The following SPECC1 variants were observed in gnomAD, a reference collection of about 807,000 sequenced individuals.
SPECC1 encodes the protein sperm antigen with calponin homology and coiled-coil domains 1.
A neutral mutation model predicts 104.1 loss-of-function variants in SPECC1; 62 were observed. That is an observed-to-expected ratio of 0.60 (90% confidence interval 0.49 to 0.74). SPECC1 has a LOEUF of 0.74. Among genes scored for constraint, SPECC1 ranks in the 30% least tolerant of loss-of-function variants. The pLI is 0.00. For missense variants in SPECC1, 1,306 were observed against 1,310.5 expected (o/e 1.00, Z 0.05); for synonymous variants, 513 against 501.6 (o/e 1.02, Z -0.30).
chr17:20,259,460 A>G (rs1166308229), intron 11 of SPECC1, among the ~76,000 whole-genome samples: 1 of 152,146 alleles, frequency 6.6e-6, no homozygotes, highest in Admixed American at 6.5e-5. Context: ...CAATGGCAAG[A>G]TATTTGGTGT....
intron 1 of SPECC1, among the ~76,000 whole-genome samples, chr17:20,063,617 G>A (rs531071701): frequency 1.2e-4 from 18 of 152,292 alleles, no homozygotes; most frequent in African/African-American, 4.3e-4. Flanking sequence ...GGGAACAAAG[G>A]TTCAAAGATA....
At chr17:20,221,347 C>T (rs1028388580) in intron 4 of SPECC1, among the ~76,000 whole-genome samples, 18 of 151,932 alleles carry the variant, frequency 1.2e-4, no homozygotes, top group African/African-American at 3.1e-4. Context: ...TACTTGTTAC[C>T]GGTCTGTTCA....
In SPECC1 at chr17:20,257,684, C is replaced by T. The variant is rs1031916684; in HGVS notation, c.2837+77C>T. Reference sequence around the variant, plus strand: ...TTTATTCTTCCTTCCGTTTTGTCCCCGTGGCCAATTTACTTCTACAAATAT... The same window carrying T: ...TTTATTCTTCCTTCCGTTTTGTCCCTGTGGCCAATTTACTTCTACAAATAT... On this transcript the variant is annotated intron_variant, in intron 11 of 14. Transcript: ENST00000395527. 7.2e-5 allele frequency: 112 copies of T among 1,546,384 alleles called. 1 individual carries two copies. The highest frequency in any genetic ancestry group is 5.5e-4 in the African/African-American group (40 of 72,340).
intron 3 of SPECC1, among the ~76,000 whole-genome samples, chr17:20,137,192 A>G (rs145179146): frequency 2.0e-5 from 3 of 152,306 alleles, no homozygotes; most frequent in Non-Finnish European, 4.4e-5. Flanking sequence ...TTTCCTGAGC[A>G]CATCAAGAAC....
intron 3 of SPECC1, among the ~76,000 whole-genome samples, chr17:20,199,612 C>T (rs9896190): frequency 0.26 from 38,708 of 151,340 alleles, 6,318 homozygotes; most frequent in African/African-American, 0.47. Flanking sequence ...ACTCTGTTGC[C>T]CAGGCTGTTC....
At chr17:20,184,313 C>A (rs1222573526) in intron 3 of SPECC1, among the ~76,000 whole-genome samples, 1 of 151,550 alleles carries the variant, frequency 6.6e-6, no homozygotes, top group Non-Finnish European at 1.5e-5. Flanking sequence ...AGAGTGTTTA[C>A]ACCTTTATGT....
chr17:20,277,497 G>A (rs942926317), intron 12 of SPECC1, among the ~76,000 whole-genome samples: 61 of 152,176 alleles, frequency 4.0e-4, no homozygotes, highest in African/African-American at 1.4e-3. Flanking sequence ...GTGCTTTGGG[G>A]AAGAGGGGGT....
At chr17:20,283,263 G>A (rs1387907355) in intron 12 of SPECC1, among the ~76,000 whole-genome samples, 1 of 152,188 alleles carries the variant, frequency 6.6e-6, no homozygotes, top group Admixed American at 6.5e-5. Flanking sequence ...AGGAATCCCA[G>A]AGTTATTCCA....
At chr17:20,065,937 G>A (rs900005496) in intron 1 of SPECC1, among the ~76,000 whole-genome samples, 4 of 152,110 alleles carry the variant, frequency 2.6e-5, no homozygotes, top group African/African-American at 7.2e-5. Context: ...GCCAGGAACC[G>A]GTTCTAATGC....
intron 2 of SPECC1, among the ~76,000 whole-genome samples, chr17:20,099,358 G>A (rs534720328): frequency 6.6e-6 from 1 of 151,870 alleles, no homozygotes; most frequent in South Asian, 2.1e-4. Flanking sequence ...TAGAGCTGCT[G>A]GAATACGGAA....
intron 7 of SPECC1, among the ~76,000 whole-genome samples, chr17:20,244,849 A>G (rs560597302): frequency 5.4e-4 from 82 of 152,360 alleles, no homozygotes; most frequent in African/African-American, 1.9e-3. Context: ...TTTAGCAATG[A>G]GAAGGTTGGG....
intron 12 of SPECC1, among the ~76,000 whole-genome samples, chr17:20,270,583 C>T (rs2040375483): frequency 6.6e-6 from 1 of 150,486 alleles, no homozygotes; most frequent in South Asian, 2.1e-4. Flanking sequence ...CACACCACTG[C>T]ACTCCAGCCT....
intron 1 of SPECC1, among the ~76,000 whole-genome samples, chr17:20,075,736 A>G (rs916402729): frequency 6.6e-6 from 1 of 152,170 alleles, no homozygotes; most frequent in African/African-American, 2.4e-5. Context: ...GCTTGAGCTC[A>G]GGAGTTCAAG....
intron 12 of SPECC1, among the ~76,000 whole-genome samples, chr17:20,294,432 CTT>C (rs2041273955): frequency 6.6e-6 from 1 of 152,154 alleles, no homozygotes; most frequent in Non-Finnish European, 1.5e-5. Context: ...GACGGGTTTT[CTT>C]TTCCCCCTGA....
chr17:20,101,100 A>G lies in SPECC1; in HGVS notation c.147+4302A>G, dbSNP rs147491532. Among the ~76,000 whole-genome samples, 67 of 152,248 alleles carry G rather than the reference A, an allele frequency of 4.4e-4. 1 individual carries two copies. In the East Asian group the frequency reaches 0.011, roughly 24 times the overall value. On this transcript the variant is annotated intron_variant, in intron 2 of 14. Coordinates refer to ENST00000395527, the MANE Select transcript of SPECC1 (RefSeq NM_001243439.2). ...TTTAGGTTGGTTCCAAGTTTTTGCT[A>G]TTGAAAATAGTGCTGCAATAAACAT... is the stretch of plus-strand genomic sequence containing the variant.
intron 9 of SPECC1, among the ~76,000 whole-genome samples, chr17:20,248,190 A>G (rs1165433223): frequency 1.3e-5 from 2 of 152,146 alleles, no homozygotes; most frequent in Non-Finnish European, 1.5e-5. Flanking sequence ...CTTCCCAGCC[A>G]TGTTTACCAG....
intron 3 of SPECC1, among the ~76,000 whole-genome samples, chr17:20,193,990 A>G (rs979523119): frequency 2.0e-5 from 3 of 152,242 alleles, no homozygotes; most frequent in African/African-American, 7.2e-5. Context: ...GAATTTAATA[A>G]CAGGTGTACC....
At chr17:20,197,478 C>A (rs1164039736) in intron 3 of SPECC1, among the ~76,000 whole-genome samples, 1 of 149,210 alleles carries the variant, frequency 6.7e-6, no homozygotes, top group Admixed American at 6.7e-5. Context: ...AGTGCAAAAC[C>A]CTGGCTTCTG....
At chr17:20,128,274 T>G (rs1041377664) in intron 3 of SPECC1, among the ~76,000 whole-genome samples, 4 of 152,214 alleles carry the variant, frequency 2.6e-5, no homozygotes, top group African/African-American at 9.6e-5. Flanking sequence ...AGGGTAAACA[T>G]TTTGAATAAA....
Sources: gnomAD v4.1 joint callset for allele counts (sites outside exome capture counted in the v4.1 genomes callset) on GRCh38, gnomAD v4.1.1 for gene constraint, MANE v1.5 for transcripts, NCBI Gene and HGNC (gene_info 2026-07-23, HGNC 2026-07-21) for gene names.